HECTD4: variants seen among roughly 807,000 people sequenced by gnomAD.
HECTD4 encodes the protein probable E3 ubiquitin-protein ligase HECTD4.
A neutral mutation model predicts 471.5 loss-of-function variants in HECTD4; 114 were observed. The observed-to-expected ratio is 0.24, with a 90% CI of 0.21 to 0.28. The LOEUF is 0.28. HECTD4 is among the 10% of genes least tolerant of loss of function. The probability of loss-of-function intolerance (pLI) is 1.00; values close to 1 mark genes in which losing one functional copy is unlikely to be tolerated. For synonymous variants in HECTD4, 2,012 were observed against 2,256.0 expected, an observed-to-expected ratio of 0.89 and a Z score of 3.07; for missense variants, 3,866 against 5,651.5, an observed-to-expected ratio of 0.68 and a Z score of 10.13.
At chr12:112,325,087 A>G (rs888581579) in intron 1 of HECTD4, among the ~76,000 whole-genome samples, 5 of 152,194 alleles carry the variant, frequency 3.3e-5, no homozygotes, top group African/African-American at 4.8e-5. Flanking sequence ...ATGACATTTC[A>G]TGGTACATAA....
intron 52 of HECTD4, among the ~76,000 whole-genome samples, chr12:112,206,749 G>C (rs1566072146): frequency 6.6e-6 from 1 of 152,060 alleles, no homozygotes; most frequent in East Asian, 1.9e-4. Context: ...TGTTAGCCAG[G>C]ATGGTCTCAA....
intron 44 of HECTD4, among the ~76,000 whole-genome samples, chr12:112,220,628 G>A (rs1247789952): frequency 6.6e-6 from 1 of 151,618 alleles, no homozygotes; most frequent in Non-Finnish European, 1.5e-5. Flanking sequence ...AAACCACCAT[G>A]TCTACAAAAA....
At chr12:112,321,925 A>G (rs2035591996) in intron 1 of HECTD4, 1 of 149,960 alleles carries the variant, frequency 6.7e-6, no homozygotes, top group South Asian at 2.1e-4. Flanking sequence ...AAGACATCCA[A>G]AAAAAAAAAC....
At chr12:112,360,732 C>A (rs910869688) in intron 1 of HECTD4, among the ~76,000 whole-genome samples, 3 of 152,242 alleles carry the variant, frequency 2.0e-5, no homozygotes, top group African/African-American at 7.2e-5. Flanking sequence ...GCCTGTAATT[C>A]CAGCACTTTG....
intron 32 of HECTD4, among the ~76,000 whole-genome samples, chr12:112,240,312 T>C (rs1308989450): frequency 1.3e-5 from 2 of 152,208 alleles, no homozygotes; most frequent in South Asian, 2.1e-4. Flanking sequence ...TCAGTAAGGG[T>C]AAAGCGAATG....
At chr12:112,314,031 T>C (rs1325604976) in intron 3 of HECTD4, among the ~76,000 whole-genome samples, 1 of 151,996 alleles carries the variant, frequency 6.6e-6, no homozygotes, top group East Asian at 1.9e-4. Context: ...CAGAATTCAT[T>C]ATAAGCTATT....
chr12:112,354,703 C>T (rs1181377060), intron 1 of HECTD4, among the ~76,000 whole-genome samples: 1 of 152,012 alleles, frequency 6.6e-6, no homozygotes, highest in African/African-American at 2.4e-5. Context: ...AACAACAACA[C>T]ACACACACAC....
rs2031737495 is a variant in HECTD4, at chr12:112,183,113, CAA to C, written c.10931_10932del (p.Phe3644Ter). ...LTVSVVNQSL[F>X]DTQGSPGLED... ...TCTAACCCTGGGCTCCCTTGAGTATCAAAGAGACTCTGATTTACTACAGACAC... is the reference window on the plus strand; with the variant it reads ...TCTAACCCTGGGCTCCCTTGAGTATCAGAGACTCTGATTTACTACAGACAC... On this transcript the variant is annotated frameshift_variant, in exon 62 of 76. Transcript: ENST00000682272. LOFTEE classifies it high-confidence loss of function. The C allele has an allele frequency of 6.2e-7, 1 of 1,613,716 alleles. No individual in the cohort carries two copies. The highest frequency in any genetic ancestry group is 8.5e-7 in the Non-Finnish European group (1 of 1,179,662).
In HECTD4 at chr12:112,265,855, G is replaced by C. The variant is rs1462604230; in HGVS notation, c.2498+23C>G. On this transcript the variant is annotated intron_variant, in intron 15 of 75. Coordinates refer to ENST00000682272, the MANE Select transcript of HECTD4 (RefSeq NM_001388303.1). Reference sequence around the variant, plus strand: ...ACGACTGAGAACACAAAGGCTAGAAGTGAATAATATAACTGGTGTCACCTG... The same window carrying C: ...ACGACTGAGAACACAAAGGCTAGAACTGAATAATATAACTGGTGTCACCTG... 2.6e-6 allele frequency: 4 copies of C among 1,548,158 alleles called. No individual in the cohort carries two copies. In the African/African-American group the frequency reaches 5.4e-5, roughly 21 times the overall value.
chr12:112,269,939 T>G, intron 12 of HECTD4, 90 bp from the exon 13 acceptor site: 2 of 1,131,608 alleles, frequency 1.8e-6, no homozygotes, highest in Admixed American at 4.4e-5. Context: ...AGATATCCTA[T>G]GAACAAATAA....
chr12:112,380,196 G>C (rs2036862028), intron 1 of HECTD4, among the ~76,000 whole-genome samples: 1 of 152,186 alleles, frequency 6.6e-6, no homozygotes, highest in Admixed American at 6.5e-5. Flanking sequence ...TGTAATCTCA[G>C]CACTTTGGGA....
chr12:112,329,797 G>A (rs1298019367), intron 1 of HECTD4, among the ~76,000 whole-genome samples: 1 of 152,100 alleles, frequency 6.6e-6, no homozygotes, highest in Non-Finnish European at 1.5e-5. Flanking sequence ...ATATACCTAT[G>A]CTTAGTAATT....
intron 70 of HECTD4, 147 bp downstream of exon 70, chr12:112,169,356 C>G: frequency 1.1e-6 from 1 of 929,604 alleles, no homozygotes; most frequent in Non-Finnish European, 1.6e-6. Context: ...GGGCGTGAGG[C>G]CACTCTGGGT....
intron 7 of HECTD4, among the ~76,000 whole-genome samples, chr12:112,289,791 C>G (rs1053303350): frequency 6.6e-6 from 1 of 152,100 alleles, no homozygotes; most frequent in African/African-American, 2.4e-5. Flanking sequence ...ATTCTCCTCC[C>G]TCAACCTCCC....
chr12:112,166,864 T>C lies in HECTD4; in HGVS notation c.12534+453A>G, dbSNP rs1359819113. On this transcript the variant is annotated intron_variant, in intron 72 of 75. Transcript: ENST00000682272. This position sits in a 1 kb window ranked among gnomAD's most constrained non-coding sequence, Gnocchi z 4.6. The stretch of plus-strand genomic sequence containing the variant: ...GGGCAACAGCACCATGCTGTCAACA[T>C]CTGTGCGTGGCGTACGCATGCCCTG... The C allele has an allele frequency of 6.5e-6, 1 of 154,714 alleles. No individual in the cohort carries two copies. The highest frequency in any genetic ancestry group is 1.4e-5 in the Non-Finnish European group (1 of 69,956). The allele number at this position is 154,714 out of a possible 1,614,324, so 9.6% of individuals were successfully genotyped here.
intron 67 of HECTD4, among the ~76,000 whole-genome samples, chr12:112,171,761 C>T (rs1200977168): frequency 1.3e-5 from 2 of 152,194 alleles, no homozygotes; most frequent in East Asian, 3.9e-4. Flanking sequence ...CTCCTTGGCA[C>T]CCAGGAAAGA....
At chr12:112,192,508 A>G in intron 59 of HECTD4, 52 bp downstream of exon 59, 1 of 1,312,436 alleles carries the variant, frequency 7.6e-7, no homozygotes, top group Non-Finnish European at 1.0e-6. Context: ...AAAGAAGGCA[A>G]GAGGAGAATG....
chr12:112,374,427 C>T (rs1309626456), intron 1 of HECTD4, among the ~76,000 whole-genome samples: 1 of 152,216 alleles, frequency 6.6e-6, no homozygotes, highest in Non-Finnish European at 1.5e-5. Flanking sequence ...TTAAACCTGA[C>T]TTTAACTTCA....
chr12:112,299,965 A>G (rs1284655014), intron 7 of HECTD4, among the ~76,000 whole-genome samples: 3 of 152,148 alleles, frequency 2.0e-5, no homozygotes, highest in African/African-American at 7.2e-5. Flanking sequence ...TTGAATATGT[A>G]CTTCTAGGTT....
Sources: allele counts gnomAD v4.1 joint callset (sites outside exome capture counted in the v4.1 genomes callset), GRCh38; gene constraint gnomAD v4.1.1; non-coding constraint Gnocchi (gnomAD v3.1); transcripts MANE v1.5; gene names NCBI Gene and HGNC (gene_info 2026-07-23, HGNC 2026-07-21).